Variants in RGS7 observed in about 807,000 individuals in gnomAD.
The protein encoded by RGS7 is regulator of G-protein signaling 7.
Under a neutral mutation model 81.1 loss-of-function variants are expected in RGS7, and 27 were observed. The ratio of observed to expected loss-of-function variants is 0.33; its 90% CI spans 0.25 to 0.46. The LOEUF is 0.46. RGS7 is among the 20% of genes least tolerant of loss of function. RGS7 has a pLI of 1.00. For missense variants in RGS7, 396 were observed against 607.4 expected (o/e 0.65, Z 3.66); for synonymous variants, 208 against 207.7 (o/e 1.00, Z -0.01).
intron 3 of RGS7, among the ~76,000 whole-genome samples, chr1:241,011,045 ACT>A (rs1283388973): frequency 2.6e-5 from 4 of 152,250 alleles, no homozygotes; most frequent in Admixed American, 1.3e-4. Context: ...TGAATACATA[ACT>A]CTAGTGAAAT....
intron 3 of RGS7, among the ~76,000 whole-genome samples, chr1:241,059,212 G>A (rs2061624682): frequency 6.6e-6 from 1 of 152,136 alleles, no homozygotes; most frequent in African/African-American, 2.4e-5. Flanking sequence ...CCAAGGGTCT[G>A]TCACTGGTCC....
intron 9 of RGS7, among the ~76,000 whole-genome samples, chr1:240,839,314 C>T (rs1015247105): frequency 7.2e-5 from 11 of 152,208 alleles, no homozygotes; most frequent in Admixed American, 2.0e-4. Flanking sequence ...CACATTTTAG[C>T]GAATGAACCG....
intron 3 of RGS7, among the ~76,000 whole-genome samples, chr1:240,995,742 A>C (rs1471099009): frequency 6.7e-6 from 1 of 150,226 alleles, no homozygotes; most frequent in Non-Finnish European, 1.5e-5. Flanking sequence ...AGAACTGTCA[A>C]TTTATCAATT....
intron 4 of RGS7, among the ~76,000 whole-genome samples, chr1:240,943,723 G>A (rs1372346962): frequency 6.6e-6 from 1 of 152,166 alleles, no homozygotes; most frequent in East Asian, 1.9e-4. Context: ...ATATATCACA[G>A]GGATAGCCAC....
chr1:240,843,082 T>C (rs1378733088), intron 9 of RGS7, among the ~76,000 whole-genome samples: 1 of 151,674 alleles, frequency 6.6e-6, no homozygotes, highest in African/African-American at 2.4e-5. Context: ...GGAGAATTGC[T>C]TGAACCCAGG....
chr1:241,280,711 G>A (rs993004212), intron 2 of RGS7, among the ~76,000 whole-genome samples: 9 of 152,158 alleles, frequency 5.9e-5, no homozygotes, highest in Admixed American at 5.2e-4. Context: ...GTGTTGCCCA[G>A]GCTGGTCTGG....
intron 3 of RGS7, among the ~76,000 whole-genome samples, chr1:241,039,698 T>C (rs1314973726): frequency 6.6e-6 from 1 of 152,130 alleles, no homozygotes; most frequent in Non-Finnish European, 1.5e-5. Context: ...TAGGCCTGGA[T>C]AGGAAAATCC....
intron 4 of RGS7, among the ~76,000 whole-genome samples, chr1:240,957,762 G>T (rs1435987392): frequency 1.3e-5 from 2 of 152,166 alleles, no homozygotes; most frequent in African/African-American, 4.8e-5. Context: ...GAGGGAAACT[G>T]GGGGGTGGGA....
At chr1:241,095,672 A>C (rs1007636763) in intron 3 of RGS7, among the ~76,000 whole-genome samples, 1 of 152,172 alleles carries the variant, frequency 6.6e-6, no homozygotes, top group Non-Finnish European at 1.5e-5. Context: ...CAAGAAACAA[A>C]TAATGTATGG....
rs561525516 is a variant in RGS7 at position 240,967,008 on chromosome 1, T to C, written c.226+16071A>G. Among the ~76,000 whole-genome samples, 6 of 152,352 alleles carry C rather than the reference T, an allele frequency of 3.9e-5. No homozygotes were observed. The East Asian group carries it at 1.2e-3, about 29-fold the overall frequency. On this transcript the variant is annotated intron_variant, in intron 4 of 18. Transcript: ENST00000440928. ...ACAAAGAACAAAGTCCTTCTACTTA[T>C]AAAGCTCATATTCTAGTGAATATGT...
rs551180209 is a variant in RGS7 at position 240,824,595 on chromosome 1, A to G, written c.684+2503T>C. On this transcript the variant is annotated intron_variant, in intron 10 of 18. Transcript: ENST00000440928. The stretch of plus-strand genomic sequence containing the variant: ...TGGACCCCTCAGAGGGTGGTGAAAC[A>G]GCTTGCTGATTGCTGTCAAGGTATT... Among the ~76,000 whole-genome samples the G allele has an allele frequency of 5.9e-5, 9 of 152,372 alleles. No individual in the cohort carries two copies. In the East Asian group the frequency reaches 1.7e-3, roughly 29 times the overall value.
At chr1:241,300,850 T>G (rs1426767876) in intron 2 of RGS7, among the ~76,000 whole-genome samples, 1 of 152,238 alleles carries the variant, frequency 6.6e-6, no homozygotes, top group East Asian at 1.9e-4. Flanking sequence ...TCTTCCAAAG[T>G]GGCTGTACCA....
At chr1:240,795,197 A>G (rs1235512023) in intron 18 of RGS7, among the ~76,000 whole-genome samples, 3 of 113,162 alleles carry the variant, frequency 2.7e-5, no homozygotes, top group African/African-American at 1.1e-4. Context: ...ACAAACAAAT[A>G]AACAAAAAAA....
chr1:241,135,320 G>C (rs546569298), intron 2 of RGS7, among the ~76,000 whole-genome samples: 1 of 151,956 alleles, frequency 6.6e-6, no homozygotes, highest in African/African-American at 2.4e-5. Flanking sequence ...CCAGCTACTC[G>C]GGAGGCTGAG....
At chr1:241,284,459 C>T (rs2078689102) in intron 2 of RGS7, among the ~76,000 whole-genome samples, 1 of 152,010 alleles carries the variant, frequency 6.6e-6, no homozygotes, top group African/African-American at 2.4e-5. Flanking sequence ...GTGATGTCCT[C>T]CTTAACCTGG....
At chr1:240,835,071 A>G (rs1041133851) in intron 9 of RGS7, among the ~76,000 whole-genome samples, 3 of 152,172 alleles carry the variant, frequency 2.0e-5, no homozygotes. Flanking sequence ...TAGATACCCT[A>G]TCGAAGGCAC....
intron 6 of RGS7, among the ~76,000 whole-genome samples, chr1:240,888,909 C>T (rs956394361): frequency 2.0e-5 from 3 of 151,950 alleles, no homozygotes; most frequent in Admixed American, 2.0e-4. Context: ...AGAGCTACTT[C>T]GGATTTTATG....
At chr1:240,822,250 C>T (rs1691930284) in intron 10 of RGS7, among the ~76,000 whole-genome samples, 1 of 152,028 alleles carries the variant, frequency 6.6e-6, no homozygotes, top group Non-Finnish European at 1.5e-5. Context: ...TTTTGAAGAA[C>T]AAGGATATTT....
At chr1:241,153,405 G>A (rs755744530) in intron 2 of RGS7, among the ~76,000 whole-genome samples, 24 of 152,250 alleles carry the variant, frequency 1.6e-4, no homozygotes, top group Non-Finnish European at 2.4e-4. Context: ...ATTATGAGGC[G>A]CTGAACAATT....
Sources: allele counts gnomAD v4.1 joint callset (sites outside exome capture counted in the v4.1 genomes callset), GRCh38; gene constraint gnomAD v4.1.1; transcripts MANE v1.5; gene names NCBI Gene and HGNC (gene_info 2026-07-23, HGNC 2026-07-21).